Variants in SYNJ2 observed in about 807,000 individuals in gnomAD.
SYNJ2 encodes synaptojanin 2.
In SYNJ2, 116 loss-of-function variants were observed where a neutral mutation model predicts 141.3. The observed-to-expected ratio is 0.82, with a 90% confidence interval of 0.71 to 0.96. The LOEUF (loss-of-function observed/expected upper bound fraction) is 0.96, where lower values mean the gene tolerates loss of function less well. SYNJ2 is among the 40% of genes least tolerant of loss of function. SYNJ2 has a pLI of 0.00. For synonymous variants in SYNJ2, 745 were observed against 777.7 expected, an observed-to-expected ratio of 0.96 and a Z score of 0.70; for missense variants, 1,873 against 1,934.8, an observed-to-expected ratio of 0.97 and a Z score of 0.60.
chr6:158,084,726 C>T lies in SYNJ2; in HGVS notation c.3208+552C>T, dbSNP rs1782924094. Reference sequence around the variant, plus strand: ...ACTCAGGCAGCTGAAGCAGGAGAATCGCTTGAGCTGGGGAGGCAGAGGCTG... The same window carrying T: ...ACTCAGGCAGCTGAAGCAGGAGAATTGCTTGAGCTGGGGAGGCAGAGGCTG... On this transcript the variant is annotated intron_variant, in intron 22 of 26. Coordinates refer to ENST00000355585, the MANE Select transcript of SYNJ2 (RefSeq NM_003898.4). The surrounding 1 kb of genome is among the most constrained non-coding windows in gnomAD (Gnocchi z 5.0). Among the ~76,000 whole-genome samples, 1 of 151,972 alleles carries T rather than the reference C, an allele frequency of 6.6e-6. No homozygotes were observed. Among genetic ancestry groups the T allele is most frequent in the Non-Finnish European group, 1.5e-5 (1 of 68,002 alleles).
In SYNJ2 at chr6:158,078,189, T is replaced by C. The variant is rs1224175725; in HGVS notation, c.2475T>C (p.Ser825=). ...CTGGAGAACTCAACCTTCTAGACAGTGATCTAGATGTTGACACCAAAGTCA... is the reference window on the plus strand; with the variant it reads ...CTGGAGAACTCAACCTTCTAGACAGCGATCTAGATGTTGACACCAAAGTCA... The part of the protein sequence containing the change: ...KTAGELNLLD[S]DLDVDTKVRH... The change falls in exon 18 of 27, where the codon AGT becomes AGC. Residue 825 remains serine (S), a synonymous_variant. Coordinates refer to ENST00000355585, the MANE Select transcript of SYNJ2 (RefSeq NM_003898.4). 6.2e-7 allele frequency: 1 copy of C among 1,612,888 alleles called. No homozygotes were observed. Among genetic ancestry groups the C allele is most frequent in the African/African-American group, 1.3e-5 (1 of 74,904 alleles).
In SYNJ2 at chr6:158,043,528, CTGTTG is replaced by C. The variant is rs1413741897; in HGVS notation, c.795+135_795+139del. 4 of 675,464 alleles carry C rather than the reference CTGTTG, an allele frequency of 5.9e-6. No homozygotes were observed. In the African/African-American group the frequency reaches 7.2e-5, roughly 12 times the overall value. The allele number at this position is 675,464 out of a possible 1,614,324, so 41.8% of individuals were successfully genotyped here. A position where few individuals can be genotyped will look rare whatever the true frequency, so the allele number is the denominator to read the frequency against. On this transcript the variant is annotated intron_variant, in intron 5 of 26. Transcript: ENST00000355585. This position sits in a 1 kb window ranked among gnomAD's most constrained non-coding sequence, Gnocchi z 4.0. ...TAGTTTCCAGTCTTTTTCCTCAGCC[CTGTTG>C]TGTTGAGCTGAGCTATCAAAGTGTG...
intron 2 of SYNJ2, among the ~76,000 whole-genome samples, chr6:158,026,131 C>T (rs918076916): frequency 2.6e-5 from 4 of 152,118 alleles, no homozygotes; most frequent in African/African-American, 7.2e-5. Context: ...TGTGCTTGGG[C>T]GGGTGATTCA....
intron 23 of SYNJ2, among the ~76,000 whole-genome samples, 181 bp downstream of exon 23, chr6:158,087,170 G>C (rs1306881695): frequency 6.6e-6 from 1 of 152,224 alleles, no homozygotes; most frequent in Admixed American, 6.5e-5. Flanking sequence ...AGGGCTGGTT[G>C]TGTTTCTCAT....
intron 1 of SYNJ2, among the ~76,000 whole-genome samples, chr6:158,013,161 C>G (rs1778328175): frequency 6.6e-6 from 1 of 152,140 alleles, no homozygotes; most frequent in Non-Finnish European, 1.5e-5. Flanking sequence ...ACGGGCAGAT[C>G]ACTTGAGGTC....
At chr6:158,077,974 G>A (rs1264361695) in intron 17 of SYNJ2, 190 bp from the exon 18 acceptor site, 2 of 520,458 alleles carry the variant, frequency 3.8e-6, no homozygotes, top group Non-Finnish European at 7.0e-6. Context: ...ATAATTATAT[G>A]CGAGGAATGT....
chr6:158,093,714 C>G (rs1783620716), intron 26 of SYNJ2, among the ~76,000 whole-genome samples: 1 of 152,166 alleles, frequency 6.6e-6, no homozygotes, highest in South Asian at 2.1e-4. Flanking sequence ...TAGTGGGATG[C>G]TTTTCCCCAC....
chr6:158,090,552 T>G (rs1184039270), intron 25 of SYNJ2, among the ~76,000 whole-genome samples: 32 of 148,818 alleles, frequency 2.2e-4, no homozygotes, highest in African/African-American at 2.2e-4. Flanking sequence ...GTTTTTTTTT[T>G]TTTTTTTTTT....
intron 1 of SYNJ2, among the ~76,000 whole-genome samples, chr6:158,012,385 G>A (rs1562322814): frequency 6.6e-6 from 1 of 152,196 alleles, no homozygotes; most frequent in African/African-American, 2.4e-5. Context: ...CTTAAAAGCT[G>A]GAAGAGGGAG....
At position 158,043,581 on chromosome 6, in the gene SYNJ2, C is replaced by T. The variant is rs1035266297; in HGVS notation, c.795+182C>T. On this transcript the variant is annotated intron_variant, in intron 5 of 26. Coordinates refer to ENST00000355585, the MANE Select transcript of SYNJ2 (RefSeq NM_003898.4). The surrounding 1 kb of genome is among the most constrained non-coding windows in gnomAD (Gnocchi z 4.0). ...GTGCACACGTGTGTGCATATGCATG[C>T]GTGCGTGTGTGTAGAAAACACAGAC... 2.6e-5 allele frequency among the ~76,000 whole-genome samples: 4 copies of T among 152,200 alleles called. No homozygotes were observed. The highest frequency in any genetic ancestry group is 2.1e-4 in the South Asian group (1 of 4,834).
At chr6:158,017,402 CTTCTTT>C in intron 2 of SYNJ2, 112 bp downstream of exon 2, 4 of 890,704 alleles carry the variant, frequency 4.5e-6, no homozygotes, top group Admixed American at 3.7e-5. Flanking sequence ...TTCTCTCTCT[CTTCTTT>C]TTTTTTTTTT....
chr6:158,091,698 C>G (rs1423493944), intron 25 of SYNJ2, among the ~76,000 whole-genome samples: 1 of 149,170 alleles, frequency 6.7e-6, no homozygotes, highest in Non-Finnish European at 1.5e-5. Flanking sequence ...TGCAGTGAGC[C>G]AAGATAACGC....
rs192173247 is a variant in SYNJ2, at chr6:158,033,635, C to T, written c.666C>T (p.Gly222=). 1.5e-4 allele frequency: 234 copies of T among 1,612,782 alleles called. 1 individual carries two copies. The East Asian group carries it at 4.3e-3, about 30-fold the overall frequency. ...ERTGTRFHTR[G]VNDDGHVSNF... is the part of the protein sequence containing the mutation. ...CAGGCACTCGCTTCCACACCCGTGG[C>T]GTGAACGACGACGGCCATGTGTCCA... Residue 222 remains glycine, a synonymous_variant, in exon 4 of 27, where the codon GGC becomes GGT. Coordinates refer to ENST00000355585, the MANE Select transcript of SYNJ2 (RefSeq NM_003898.4).
chr6:158,071,780 C>CT lies in SYNJ2; in HGVS notation c.2120dup (p.Cys708LeufsTer12). 1 of 1,613,514 alleles carries CT rather than the reference C, an allele frequency of 6.2e-7. No homozygotes were observed. Among genetic ancestry groups the CT allele is most frequent in the East Asian group, 2.2e-5 (1 of 44,874 alleles). The stretch of plus-strand genomic sequence containing the variant: ...AGACTACAAGGAGATCACCCAGAAA[C>CT]TCTGCTTCCCAATGGTGAGCGGCGC... On this transcript the variant is annotated frameshift_variant, in exon 15 of 27. Transcript: ENST00000355585. LOFTEE classifies it high-confidence loss of function. The surrounding 1 kb of genome is among the most constrained non-coding windows in gnomAD (Gnocchi z 4.3).
chr6:158,095,952 C>T lies in SYNJ2; in HGVS notation c.4079C>T (p.Thr1360Ile), dbSNP rs1242837353. The change falls in exon 27 of 27, where the codon ACT becomes ATT. Residue 1360 changes from threonine to isoleucine, a missense_variant. By Grantham distance (89) the Thr-to-Ile change is moderately conservative (BLOSUM62 -1). Coordinates refer to ENST00000355585, the MANE Select transcript of SYNJ2 (RefSeq NM_003898.4). Reference sequence around the variant, plus strand: ...AACAGCCAGCTTCTCCAGGGCCTCACTTACAATAGCAGTGACAGCCCCTCT... The same window carrying T: ...AACAGCCAGCTTCTCCAGGGCCTCATTTACAATAGCAGTGACAGCCCCTCT... The part of the protein sequence containing the change: ...QSNSQLLQGL[T>I]YNSSDSPSGH... The T allele has an allele frequency of 6.2e-7, 1 of 1,614,076 alleles. No individual in the cohort carries two copies. Among genetic ancestry groups the T allele is most frequent in the African/African-American group, 1.3e-5 (1 of 75,062 alleles).
chr6:157,984,212 TTGG>T (rs1777116279), intron 1 of SYNJ2, among the ~76,000 whole-genome samples: 1 of 152,220 alleles, frequency 6.6e-6, no homozygotes, highest in African/African-American at 2.4e-5. Context: ...GCTGTAGCAT[TTGG>T]TGGCTTTGCT....
chr6:157,998,012 G>A (rs1203838268), intron 1 of SYNJ2, among the ~76,000 whole-genome samples: 2 of 152,264 alleles, frequency 1.3e-5, no homozygotes, highest in East Asian at 1.9e-4. Flanking sequence ...GATCAGTGCA[G>A]TGCCTAAGAG....
At chr6:158,092,777 A>C (rs1783546557) in intron 25 of SYNJ2, 149 bp from the exon 26 acceptor site, 6 of 762,420 alleles carry the variant, frequency 7.9e-6, no homozygotes, top group Non-Finnish European at 9.8e-6. Context: ...AAAAGAAAAA[A>C]GAAAAAAAGC....
At chr6:157,991,734 G>T (rs369813540) in intron 1 of SYNJ2, among the ~76,000 whole-genome samples, 2 of 152,182 alleles carry the variant, frequency 1.3e-5, no homozygotes, top group African/African-American at 2.4e-5. Context: ...AGGCAAAATC[G>T]AAGATGGCTT....
Sources: gnomAD v4.1 joint callset for allele counts (sites outside exome capture counted in the v4.1 genomes callset) on GRCh38, gnomAD v4.1.1 for gene constraint, Gnocchi (gnomAD v3.1) non-coding constraint, MANE v1.5 for transcripts, NCBI Gene and HGNC (gene_info 2026-07-23, HGNC 2026-07-21) for gene names.